CWC27: variants seen among roughly 807,000 people sequenced by gnomAD.
CWC27 encodes the protein spliceosome-associated protein CWC27 homolog.
CWC27 carries 47 observed loss-of-function variants against 63.6 expected under a neutral mutation model. The observed-to-expected ratio is 0.74, with a 90% confidence interval of 0.58 to 0.94. The LOEUF (loss-of-function observed/expected upper bound fraction) is 0.94, where lower values mean the gene tolerates loss of function less well. Ranked by LOEUF, CWC27 falls within the 40% of genes least tolerant of loss-of-function variation. The pLI is 0.00. For missense variants in CWC27, 495 were observed against 554.3 expected (o/e 0.89, Z 1.07); for synonymous variants, 175 against 179.8 (o/e 0.97, Z 0.22).
chr5:64,942,531 A>G (rs770315279), intron 11 of CWC27, among the ~76,000 whole-genome samples: 9 of 151,858 alleles, frequency 5.9e-5, no homozygotes, highest in Non-Finnish European at 1.2e-4. Flanking sequence ...ATATATATGT[A>G]TAATATATTT....
Position 64,800,334 on chromosome 5 carries a change from C to T in CWC27, c.749+7C>T, listed in dbSNP as rs757408332. ...CTGTTCCAGTTGTAGAAAGGTTAGT[C>T]CATTGTTGGTATGATCCTAAGTTCT... is the stretch of plus-strand genomic sequence containing the variant. On this transcript the variant is annotated splice_region_variant and intron_variant, in intron 8 of 13. Transcript: ENST00000381070. 26 of 1,592,426 alleles carry T rather than the reference C, an allele frequency of 1.6e-5. No homozygotes were observed. Among genetic ancestry groups the T allele is most frequent in the Non-Finnish European group, 2.1e-5 (24 of 1,163,256 alleles).
intron 11 of CWC27, among the ~76,000 whole-genome samples, chr5:64,952,836 T>C (rs1748737372): frequency 6.6e-6 from 1 of 152,130 alleles, no homozygotes; most frequent in South Asian, 2.1e-4. Context: ...GCAGTATTAA[T>C]TTTATTTTTG....
chr5:64,973,808 G>A (rs1749171099), intron 12 of CWC27, among the ~76,000 whole-genome samples: 1 of 152,012 alleles, frequency 6.6e-6, no homozygotes, highest in South Asian at 2.1e-4. Flanking sequence ...TGTAACTCAG[G>A]GAGAAAGATC....
chr5:64,845,384 A>G (rs921891623), intron 10 of CWC27, among the ~76,000 whole-genome samples: 1 of 148,104 alleles, frequency 6.8e-6, no homozygotes, highest in African/African-American at 2.6e-5. Context: ...ATGGACCCCA[A>G]AGAAACGGAG....
At chr5:64,963,718 A>G (rs1475748825) in intron 11 of CWC27, among the ~76,000 whole-genome samples, 3 of 152,252 alleles carry the variant, frequency 2.0e-5, no homozygotes, top group Non-Finnish European at 4.4e-5. Context: ...TAATCATGGT[A>G]TCACAGATGA....
chr5:64,937,790 A>G (rs1354837418), intron 11 of CWC27, among the ~76,000 whole-genome samples: 1 of 152,244 alleles, frequency 6.6e-6, no homozygotes, highest in Non-Finnish European at 1.5e-5. Context: ...TATTGGTTGC[A>G]TGTATATTTA....
rs1157360219 is a variant in CWC27, at chr5:64,990,240, GTT to G, written c.1256+13011_1256+13012del. On this transcript the variant is annotated intron_variant, in intron 13 of 13. Coordinates refer to ENST00000381070, the MANE Select transcript of CWC27 (RefSeq NM_005869.4). ...TATCAGAGCTCTAGAGTTTTTATTT[GTT>G]TTTTTTTTGTTTTTTTTTTTTTTGT... Among the ~76,000 whole-genome samples the G allele has an allele frequency of 2.8e-4, 22 of 77,582 alleles. 8 individuals carry two copies. The highest frequency in any genetic ancestry group is 1.1e-3 in the African/African-American group (22 of 19,730). The allele number at this position is 77,582 out of a possible 152,430, so 50.9% of individuals were successfully genotyped here. A position where few individuals can be genotyped will look rare whatever the true frequency, so the allele number is the denominator to read the frequency against.
intron 10 of CWC27, chr5:64,808,127 G>T (rs1744753715): frequency 1.9e-6 from 2 of 1,072,736 alleles, no homozygotes; most frequent in South Asian, 3.1e-5. Context: ...GTATCACTTG[G>T]GAACTTGTTA....
chr5:64,771,730 T>C (rs567267706), intron 1 of CWC27, among the ~76,000 whole-genome samples: 12 of 152,270 alleles, frequency 7.9e-5, no homozygotes, highest in African/African-American at 2.9e-4. Flanking sequence ...AAGGTATTAA[T>C]TGGGAATTTT....
intron 6 of CWC27, among the ~76,000 whole-genome samples, chr5:64,787,297 T>G (rs915357959): frequency 2.0e-5 from 3 of 152,182 alleles, no homozygotes; most frequent in East Asian, 1.9e-4. Flanking sequence ...TATCTTAAAC[T>G]TAAGCTACAA....
chr5:64,841,217 G>A (rs1745826577), intron 10 of CWC27, among the ~76,000 whole-genome samples: 1 of 152,222 alleles, frequency 6.6e-6, no homozygotes, highest in African/African-American at 2.4e-5. Context: ...GGAGGAGGAA[G>A]ATGGAAGACT....
At chr5:64,913,636 A>G (rs774722988) in intron 11 of CWC27, among the ~76,000 whole-genome samples, 1 of 152,082 alleles carries the variant, frequency 6.6e-6, no homozygotes, top group African/African-American at 2.4e-5. Context: ...GTCAAATACC[A>G]TGGAATTAAT....
chr5:64,794,871 CAAG>C (rs1199933521), intron 7 of CWC27, among the ~76,000 whole-genome samples: 1 of 152,056 alleles, frequency 6.6e-6, no homozygotes, highest in East Asian at 1.9e-4. Flanking sequence ...AGCTTACAAT[CAAG>C]ATAACTAGTT....
Position 64,782,050 on chromosome 5 carries a change from ATTT to A in CWC27, c.252+20_252+22del. The A allele has an allele frequency of 8.5e-7, 1 of 1,179,944 alleles. No homozygotes were observed. The highest frequency in any genetic ancestry group is 1.2e-6 in the Non-Finnish European group (1 of 829,784). 73.1% of individuals were successfully genotyped at this position (1,179,944 alleles called of 1,614,324 possible). On this transcript the variant is annotated intron_variant, in intron 3 of 13. Coordinates refer to ENST00000381070, the MANE Select transcript of CWC27 (RefSeq NM_005869.4). ...CCATTCAAAGTAAGACTGAATTATT[ATTT>A]TTATTATTATTTTTGTTGTTATTAT...
In CWC27 at chr5:64,780,701, A is replaced by G. The variant is rs909720334; in HGVS notation, c.140-1220A>G. Among the ~76,000 whole-genome samples, 267 of 150,002 alleles carry G rather than the reference A, an allele frequency of 1.8e-3. 1 individual carries two copies. The highest frequency in any genetic ancestry group is 6.2e-3 in the African/African-American group (254 of 40,978). On this transcript the variant is annotated intron_variant, in intron 2 of 13. Coordinates refer to ENST00000381070, the MANE Select transcript of CWC27 (RefSeq NM_005869.4). ...TGTATACACACGCGCACACGCGCGC[A>G]CACACACACACACACACCGGAATCA...
chr5:64,909,984 G>T (rs185930284), intron 11 of CWC27, among the ~76,000 whole-genome samples: 12 of 152,304 alleles, frequency 7.9e-5, no homozygotes, highest in African/African-American at 2.9e-4. Context: ...GCAAGGAGCT[G>T]TGATCCTTTG....
At chr5:64,971,606 G>A (rs2112442259) in intron 11 of CWC27, 97 bp from the exon 12 acceptor site, 2 of 928,756 alleles carry the variant, frequency 2.2e-6, no homozygotes, top group South Asian at 4.6e-5. Flanking sequence ...GCAAGCCCAA[G>A]TGCCAACCTC....
intron 2 of CWC27, among the ~76,000 whole-genome samples, chr5:64,779,021 G>C (rs575426587): frequency 1.3e-5 from 2 of 152,270 alleles, no homozygotes; most frequent in African/African-American, 4.8e-5. Flanking sequence ...GTGTCTCCAA[G>C]ACACTAAAAT....
chr5:64,782,483 T>TAAATAAATAAATAAATAAATAAA (rs1561403481), intron 3 of CWC27, among the ~76,000 whole-genome samples: 1 of 151,418 alleles, frequency 6.6e-6, no homozygotes, highest in Non-Finnish European at 1.5e-5. Context: ...AATAAATAAA[T>TAAATAAATAAATAAATAAATAAA]TGTCTGTAAA....
Sources: gnomAD v4.1 joint callset for allele counts (sites outside exome capture counted in the v4.1 genomes callset) on GRCh38, gnomAD v4.1.1 for gene constraint, MANE v1.5 for transcripts, NCBI Gene and HGNC (gene_info 2026-07-23, HGNC 2026-07-21) for gene names.